Variants in ARHGAP12 observed in about 807,000 individuals in gnomAD.
The protein encoded by ARHGAP12 is rho GTPase-activating protein 12.
Under a neutral mutation model 108.6 loss-of-function variants are expected in ARHGAP12, and 64 were observed. The ratio of observed to expected loss-of-function variants is 0.59; its 90% confidence interval spans 0.48 to 0.73. The LOEUF (loss-of-function observed/expected upper bound fraction) is 0.73. ARHGAP12 is among the 30% of genes least tolerant of loss of function. ARHGAP12 has a pLI of 0.00. For synonymous variants in ARHGAP12, 312 were observed against 337.2 expected, an observed-to-expected ratio of 0.93 and a Z score of 0.82; for missense variants, 940 against 1,005.9, an observed-to-expected ratio of 0.93 and a Z score of 0.89.
intron 3 of ARHGAP12, among the ~76,000 whole-genome samples, chr10:31,882,000 C>T (rs1191692584): frequency 6.7e-6 from 1 of 150,366 alleles, no homozygotes; most frequent in East Asian, 1.9e-4. Flanking sequence ...CTGCAAGCTC[C>T]GCCTCCCGGG....
intron 1 of ARHGAP12, 85 bp downstream of exon 1, chr10:31,928,598 G>C (rs897423399): frequency 6.5e-6 from 1 of 152,674 alleles, no homozygotes; most frequent in Non-Finnish European, 1.5e-5. Context: ...CGCCCTCGGC[G>C]GGCACAGCCC....
intron 1 of ARHGAP12, among the ~76,000 whole-genome samples, chr10:31,923,659 A>G (rs11008693): frequency 0.051 from 7,824 of 152,266 alleles, 664 homozygotes; most frequent in African/African-American, 0.18. Context: ...AATTTTCTTG[A>G]GTGAAGAAAA....
chr10:31,889,194 G>A (rs2808075), intron 3 of ARHGAP12, among the ~76,000 whole-genome samples: 3,190 of 152,300 alleles, frequency 0.021, 49 homozygotes, highest in Non-Finnish European at 0.035. Flanking sequence ...TTACAGACGT[G>A]AGCCACCACA....
At chr10:31,833,046 G>A (rs1835889404) in intron 9 of ARHGAP12, among the ~76,000 whole-genome samples, 1 of 151,788 alleles carries the variant, frequency 6.6e-6, no homozygotes, top group Admixed American at 6.6e-5. Context: ...GTAAGTATGT[G>A]TGAGATTTTT....
At chr10:31,913,395 G>A (rs1839431532) in intron 1 of ARHGAP12, 1 of 167,010 alleles carries the variant, frequency 6.0e-6, no homozygotes, top group Non-Finnish European at 1.3e-5. Context: ...AAACAAAATA[G>A]AAGTTCAAGG....
Position 31,927,633 on chromosome 10 carries a change from C to A in ARHGAP12, c.-111+1050G>T, listed in dbSNP as rs187357880. On this transcript the variant is annotated intron_variant, in intron 1 of 19. Transcript: ENST00000344936. ...GAGTGCTAAAAGCCTCTATCCACAACAAACACTCCACTTGGGATGACATTA... is the reference window on the plus strand; with the variant it reads ...GAGTGCTAAAAGCCTCTATCCACAAAAAACACTCCACTTGGGATGACATTA... 2.7e-3 allele frequency among the ~76,000 whole-genome samples: 406 copies of A among 152,332 alleles called. 3 individuals are homozygous for A. Among genetic ancestry groups the A allele is most frequent in the Non-Finnish European group, 3.5e-3 (236 of 68,038 alleles).
chr10:31,812,560 T>G, intron 15 of ARHGAP12, 147 bp downstream of exon 15: 1 of 498,432 alleles, frequency 2.0e-6, no homozygotes, highest in Non-Finnish European at 3.4e-6. Context: ...CTATTTTAAT[T>G]ACTTAATGTC....
chr10:31,807,466 C>CA lies in ARHGAP12; in HGVS notation c.*191dup. ...AATTCATAATTACACGCAGTTATAT[C>CA]AACTTGCAACAAAGCAGCAAATATG... On this transcript the variant is annotated 3_prime_UTR_variant, in exon 20 of 20. Transcript: ENST00000344936. The CA allele has an allele frequency of 2.2e-6, 1 of 450,430 alleles. No individual in the cohort carries two copies. Among genetic ancestry groups the CA allele is most frequent in the Non-Finnish European group, 3.9e-6 (1 of 257,128 alleles). The allele number at this position is 450,430 out of a possible 1,614,324, so 27.9% of individuals were successfully genotyped here.
intron 3 of ARHGAP12, among the ~76,000 whole-genome samples, chr10:31,896,819 G>A (rs141115266): frequency 1.3e-5 from 2 of 152,212 alleles, no homozygotes; most frequent in Non-Finnish European, 1.5e-5. Context: ...GATAAAAGCT[G>A]AACAAACTGA....
At chr10:31,898,576 T>C (rs1394380040) in intron 3 of ARHGAP12, among the ~76,000 whole-genome samples, 6 of 152,326 alleles carry the variant, frequency 3.9e-5, no homozygotes, top group Non-Finnish European at 8.8e-5. Context: ...TGCAGTCATA[T>C]GCTGAATAAC....
At chr10:31,897,375 C>G (rs1332077416) in intron 3 of ARHGAP12, among the ~76,000 whole-genome samples, 2 of 152,076 alleles carry the variant, frequency 1.3e-5, no homozygotes, top group African/African-American at 4.8e-5. Flanking sequence ...CACTAAAAGG[C>G]TAAGATTTAA....
intron 3 of ARHGAP12, among the ~76,000 whole-genome samples, chr10:31,890,961 G>A (rs1434864776): frequency 6.6e-6 from 1 of 151,952 alleles, no homozygotes; most frequent in Non-Finnish European, 1.5e-5. Context: ...GTAAATATAT[G>A]TATATATATT....
chr10:31,827,848 T>C (rs949856823), intron 10 of ARHGAP12, among the ~76,000 whole-genome samples: 1 of 152,076 alleles, frequency 6.6e-6, no homozygotes, highest in Non-Finnish European at 1.5e-5. Flanking sequence ...TTATTTTCTG[T>C]TTTCAGAATG....
intron 3 of ARHGAP12, among the ~76,000 whole-genome samples, chr10:31,888,241 T>C (rs951753670): frequency 2.0e-5 from 3 of 152,112 alleles, no homozygotes; most frequent in African/African-American, 7.2e-5. Flanking sequence ...TCTCCCTTAT[T>C]TGGGGACAAA....
At chr10:31,839,434 G>T in intron 8 of ARHGAP12, 115 bp from the exon 9 acceptor site, 1 of 1,175,508 alleles carries the variant, frequency 8.5e-7, no homozygotes, top group South Asian at 1.6e-5. Flanking sequence ...ATTTAATCAT[G>T]TAAGATACCA....
chr10:31,893,774 C>G (rs1336637476), intron 3 of ARHGAP12, among the ~76,000 whole-genome samples: 1 of 152,146 alleles, frequency 6.6e-6, no homozygotes, highest in Admixed American at 6.5e-5. Context: ...GATACCAAAG[C>G]CTGGCAGAGA....
chr10:31,880,169 A>T (rs755859277), intron 3 of ARHGAP12, among the ~76,000 whole-genome samples: 1 of 152,228 alleles, frequency 6.6e-6, no homozygotes, highest in African/African-American at 2.4e-5. Flanking sequence ...TAGATGTCAC[A>T]GTTTTTGCCT....
chr10:31,893,314 T>C (rs1239220066), intron 3 of ARHGAP12, among the ~76,000 whole-genome samples: 2 of 152,064 alleles, frequency 1.3e-5, no homozygotes, highest in African/African-American at 4.8e-5. Flanking sequence ...GGAGCTGGTT[T>C]TTTGAAAAAA....
intron 3 of ARHGAP12, among the ~76,000 whole-genome samples, chr10:31,867,901 T>TAAA (rs147528775): frequency 6.8e-6 from 1 of 146,308 alleles, no homozygotes; most frequent in African/African-American, 2.5e-5. Context: ...ATTTCTGATT[T>TAAA]AAAAAAAAAA....
Sources: allele counts gnomAD v4.1 joint callset (sites outside exome capture counted in the v4.1 genomes callset), GRCh38; gene constraint gnomAD v4.1.1; transcripts MANE v1.5; gene names NCBI Gene and HGNC (gene_info 2026-07-23, HGNC 2026-07-21).